PHACTR3: variants seen among roughly 807,000 people sequenced by gnomAD.
The protein encoded by PHACTR3 is phosphatase and actin regulator 3.
PHACTR3 carries 16 observed loss-of-function variants against 66.8 expected under a neutral mutation model. That is an observed-to-expected ratio of 0.24 (90% CI 0.16 to 0.36). PHACTR3 has a LOEUF of 0.36. PHACTR3 is among the 10% of genes least tolerant of loss of function. The pLI, the probability that PHACTR3 is intolerant of heterozygous loss-of-function variation, is 1.00. For missense variants in PHACTR3, 647 were observed against 719.9 expected (o/e 0.90, Z 1.16); for synonymous variants, 323 against 292.1 (o/e 1.11, Z -1.08).
intron 12 of PHACTR3, among the ~76,000 whole-genome samples, chr20:59,846,110 T>G (rs1196250055): frequency 2.0e-5 from 3 of 152,172 alleles, no homozygotes; most frequent in Non-Finnish European, 4.4e-5. Context: ...CTTTGTCTTC[T>G]CCTTTATCTG....
At chr20:59,784,919 G>A (rs1327585600) in intron 7 of PHACTR3, among the ~76,000 whole-genome samples, 1 of 152,032 alleles carries the variant, frequency 6.6e-6, no homozygotes, top group East Asian at 1.9e-4. Context: ...GAAGCAGTGT[G>A]GGATCTCCTG....
At chr20:59,577,586 C>CGCT (rs2032748317) in exon 1 of PHACTR3, 3 of 1,208,498 alleles carry the variant, frequency 2.5e-6, no homozygotes, top group Non-Finnish European at 3.1e-6. Context: ...GGGCCCGGGA[C>CGCT]GCTGCCGCCG....
intron 7 of PHACTR3, among the ~76,000 whole-genome samples, chr20:59,785,698 C>T (rs1227256458): frequency 1.3e-5 from 2 of 152,214 alleles, no homozygotes; most frequent in Non-Finnish European, 2.9e-5. Context: ...CTCCTGCATG[C>T]ACTGTGAGGA....
chr20:59,708,913 G>A (rs1047049699), intron 1 of PHACTR3, among the ~76,000 whole-genome samples: 1 of 152,184 alleles, frequency 6.6e-6, no homozygotes, highest in Admixed American at 6.5e-5. Context: ...TCCCTTCTCT[G>A]GGGGAAAGAG....
intron 1 of PHACTR3, among the ~76,000 whole-genome samples, chr20:59,723,108 T>TTCTTTCTTTCTTTC (rs2038408090): frequency 6.8e-6 from 1 of 146,722 alleles, no homozygotes; most frequent in Admixed American, 6.8e-5. Flanking sequence ...CTTTCTTTCT[T>TTCTTTCTTTCTTTC]TCTTTCTTTC....
intron 8 of PHACTR3, among the ~76,000 whole-genome samples, chr20:59,828,269 A>G (rs535733906): frequency 6.6e-6 from 1 of 152,258 alleles, no homozygotes; most frequent in Non-Finnish European, 1.5e-5. Context: ...TTCACCAAGA[A>G]GCATTCCTCC....
At chr20:59,689,185 A>G (rs757225909) in intron 1 of PHACTR3, among the ~76,000 whole-genome samples, 3 of 152,204 alleles carry the variant, frequency 2.0e-5, no homozygotes, top group African/African-American at 4.8e-5. Flanking sequence ...GGCAGAAACA[A>G]GGAACAGGCA....
chr20:59,715,825 C>T (rs1231862578), intron 1 of PHACTR3, among the ~76,000 whole-genome samples: 1 of 151,882 alleles, frequency 6.6e-6, no homozygotes, highest in Non-Finnish European at 1.5e-5. Context: ...AAGGTAGAAG[C>T]AGAGGTGCCT....
chr20:59,617,887 C>T (rs1031354224), intron 1 of PHACTR3, among the ~76,000 whole-genome samples: 5 of 152,290 alleles, frequency 3.3e-5, no homozygotes, highest in East Asian at 3.9e-4. Flanking sequence ...TGGGGAATAG[C>T]GCAGCAAACC....
intron 1 of PHACTR3, among the ~76,000 whole-genome samples, chr20:59,685,698 C>T (rs1156996187): frequency 1.3e-5 from 2 of 152,228 alleles, no homozygotes; most frequent in East Asian, 1.9e-4. Flanking sequence ...CACTCGTCCC[C>T]TGCCTTACCA....
chr20:59,744,174 G>A (rs575570522), intron 2 of PHACTR3, among the ~76,000 whole-genome samples: 2 of 152,362 alleles, frequency 1.3e-5, no homozygotes, highest in East Asian at 1.9e-4. Flanking sequence ...CAGCACTCCC[G>A]CAGGATCCTG....
chr20:59,694,140 T>TTG (rs2037208725), intron 1 of PHACTR3, among the ~76,000 whole-genome samples: 1 of 152,244 alleles, frequency 6.6e-6, no homozygotes, highest in Non-Finnish European at 1.5e-5. Context: ...TAGCTGGGCT[T>TTG]TGCAGAGATG....
chr20:59,831,372 G>A (rs1228939295), intron 8 of PHACTR3, among the ~76,000 whole-genome samples: 2 of 152,202 alleles, frequency 1.3e-5, no homozygotes, highest in African/African-American at 2.4e-5. Flanking sequence ...ACCAGGTAGG[G>A]AGACCGGCAG....
At chr20:59,752,808 G>C (rs1239166840) in intron 3 of PHACTR3, among the ~76,000 whole-genome samples, 2 of 152,226 alleles carry the variant, frequency 1.3e-5, no homozygotes, top group Non-Finnish European at 1.5e-5. Flanking sequence ...AACTGCAAGT[G>C]GTGGGTGGCA....
chr20:59,775,434 C>T (rs1277671912), intron 7 of PHACTR3, among the ~76,000 whole-genome samples: 1 of 152,180 alleles, frequency 6.6e-6, no homozygotes, highest in Non-Finnish European at 1.5e-5. Flanking sequence ...GGTGCTGACC[C>T]TGGCTGGTAC....
rs556394014 is a variant in PHACTR3, at chr20:59,607,606, C to T, written c.118+2474C>T. On this transcript the variant is annotated intron_variant, in intron 1 of 12. Coordinates refer to ENST00000371015, the MANE Select transcript of PHACTR3 (RefSeq NM_080672.5). The stretch of plus-strand genomic sequence containing the variant: ...AAAGGTGAGCTATGTTTTGACACCT[C>T]TTTCTCCCATTTTCCAGAGGTTACC... Among the ~76,000 whole-genome samples, 35 of 152,356 alleles carry T rather than the reference C, an allele frequency of 2.3e-4. No homozygotes were observed. In the South Asian group the frequency reaches 6.6e-3, roughly 29 times the overall value.
At chr20:59,785,509 G>T (rs942441333) in intron 7 of PHACTR3, among the ~76,000 whole-genome samples, 1 of 152,234 alleles carries the variant, frequency 6.6e-6, no homozygotes, top group African/African-American at 2.4e-5. Flanking sequence ...GAGCTGGGGA[G>T]TGGGGATGGT....
chr20:59,584,759 G>A (rs1032286478), intron 1 of PHACTR3, among the ~76,000 whole-genome samples: 4 of 152,102 alleles, frequency 2.6e-5, no homozygotes, highest in African/African-American at 9.7e-5. Context: ...CTGGCCTCCC[G>A]TGGAGTGTAC....
Position 59,743,254 on chromosome 20 carries a change from A to T in PHACTR3, c.266A>T (p.Lys89Met). The change falls in exon 2 of 13, where the codon AAG becomes ATG. Residue 89 changes from lysine to methionine, a missense_variant. By Grantham distance (95) the Lys-to-Met change is moderately conservative. This residue lies in a region of PHACTR3 where 577 missense variants were observed against 571.1 expected (regional missense o/e 1.01). Coordinates refer to ENST00000371015, the MANE Select transcript of PHACTR3 (RefSeq NM_080672.5). The stretch of plus-strand genomic sequence containing the variant: ...AGGAAAAAGAAAAACGAAAAACTGA[A>T]GCAGACAACGTCAGGTAAAGGCCTG... ...KWRKKKNEKL[K>M]QTTSALEKKM... 6.2e-7 allele frequency: 1 copy of T among 1,614,070 alleles called. No homozygotes were observed. Among genetic ancestry groups the T allele is most frequent in the Non-Finnish European group, 8.5e-7 (1 of 1,179,986 alleles).
Sources: gnomAD v4.1 joint callset for allele counts (sites outside exome capture counted in the v4.1 genomes callset) on GRCh38, gnomAD v4.1.1 for gene constraint, gnomAD v4.1.1 regional missense constraint, MANE v1.5 for transcripts, NCBI Gene and HGNC (gene_info 2026-07-23, HGNC 2026-07-21) for gene names.